Variants in RBFOX1 observed in about 807,000 individuals in gnomAD.
RBFOX1 encodes RNA binding fox-1 homolog 1.
Under a neutral mutation model 57.7 loss-of-function variants are expected in RBFOX1, and 8 were observed. The ratio of observed to expected loss-of-function variants is 0.14; its 90% CI spans 0.08 to 0.25. RBFOX1 has a LOEUF of 0.25. Among genes scored for constraint, RBFOX1 ranks in the 10% least tolerant of loss-of-function variants. The pLI, the probability that RBFOX1 is intolerant of heterozygous loss-of-function variation, is 1.00. For missense variants in RBFOX1, 611 were observed against 548.5 expected, an observed-to-expected ratio of 1.11 and a Z score of -1.14; for synonymous variants, 326 against 222.4, an observed-to-expected ratio of 1.47 and a Z score of -4.15.
intron 2 of RBFOX1, among the ~76,000 whole-genome samples, chr16:6,507,938 C>T (rs2096149065): frequency 6.6e-6 from 1 of 151,932 alleles, no homozygotes; most frequent in Non-Finnish European, 1.5e-5. Context: ...TCACTTTTCA[C>T]AATAGCAAAG....
intron 1 of RBFOX1, among the ~76,000 whole-genome samples, chr16:5,420,359 GT>G (rs2067279413): frequency 6.6e-6 from 1 of 150,560 alleles, no homozygotes; most frequent in African/African-American, 2.5e-5. Context: ...AACACCGAAG[GT>G]TTTTAATAAA....
At chr16:7,056,662 C>A (rs546364887) in intron 4 of RBFOX1, among the ~76,000 whole-genome samples, 2 of 152,250 alleles carry the variant, frequency 1.3e-5, no homozygotes, top group South Asian at 4.1e-4. Context: ...GTGGGAGATT[C>A]CAAAGCCCAC....
chr16:6,750,647 C>A (rs572795830), intron 3 of RBFOX1, among the ~76,000 whole-genome samples: 4 of 152,142 alleles, frequency 2.6e-5, no homozygotes, highest in Non-Finnish European at 5.9e-5. Context: ...AAAACACCTG[C>A]AATTATGCTG....
rs546578616 is a variant in RBFOX1 at position 6,206,224 on chromosome 16, A to G, written c.-126-110771A>G. Among the ~76,000 whole-genome samples the G allele has an allele frequency of 2.4e-4, 37 of 152,090 alleles. 1 individual carries two copies. The highest frequency in any genetic ancestry group is 1.3e-3 in the Admixed American group (20 of 15,258). On this transcript the variant is annotated intron_variant, in intron 1 of 15. Transcript: ENST00000550418. Reference sequence around the variant, plus strand: ...GCGTTCTTGGCTTCCTTTCAGTTCTATGGGCAAGCCAGGCTCTTTCCCGCT... The same window carrying G: ...GCGTTCTTGGCTTCCTTTCAGTTCTGTGGGCAAGCCAGGCTCTTTCCCGCT...
chr16:6,004,936 T>G (rs1344192290), intron 4 of RBFOX1, among the ~76,000 whole-genome samples: 1 of 152,196 alleles, frequency 6.6e-6, no homozygotes, highest in East Asian at 1.9e-4. Flanking sequence ...ACATGCACAG[T>G]CTTGTCTTAA....
intron 1 of RBFOX1, among the ~76,000 whole-genome samples, chr16:5,318,835 A>G (rs1252771224): frequency 6.6e-6 from 1 of 152,204 alleles, no homozygotes; most frequent in Admixed American, 6.5e-5. Flanking sequence ...TGAGCCCTTT[A>G]AAAGCAGAGA....
At chr16:5,452,482 C>A (rs969786648) in intron 1 of RBFOX1, among the ~76,000 whole-genome samples, 2 of 152,016 alleles carry the variant, frequency 1.3e-5, no homozygotes, top group African/African-American at 4.8e-5. Context: ...TTAAACATTT[C>A]TTGAGACTGC....
intron 3 of RBFOX1, among the ~76,000 whole-genome samples, chr16:5,828,294 A>G (rs888326793): frequency 6.6e-6 from 1 of 152,192 alleles, no homozygotes; most frequent in Non-Finnish European, 1.5e-5. Flanking sequence ...TAAACAATTT[A>G]TAATTACTGT....
At chr16:6,244,172 C>G (rs564017168) in intron 1 of RBFOX1, among the ~76,000 whole-genome samples, 1 of 152,114 alleles carries the variant, frequency 6.6e-6, no homozygotes, top group African/African-American at 2.4e-5. Context: ...AGTCTACCTT[C>G]TCAGTCACTG....
At chr16:7,339,534 A>G (rs1449010858) in intron 4 of RBFOX1, among the ~76,000 whole-genome samples, 2 of 152,110 alleles carry the variant, frequency 1.3e-5, no homozygotes, top group Non-Finnish European at 2.9e-5. Context: ...CCACCTGCCA[A>G]GTTCAAGTGA....
At chr16:6,588,831 A>G (rs1276416802) in intron 2 of RBFOX1, among the ~76,000 whole-genome samples, 1 of 152,114 alleles carries the variant, frequency 6.6e-6, no homozygotes, top group Admixed American at 6.6e-5. Flanking sequence ...TCCCCAGGCC[A>G]TGCTGTCTCA....
chr16:5,707,345 CAGTT>C lies in RBFOX1; in HGVS notation c.318+108385_318+108388del, dbSNP rs1255173356. On this transcript the variant is annotated intron_variant, in intron 3 of 19. Transcript: ENST00000641259. ...TTCTGCTGTGTTTGATTTTGTAAGTCAGTTCTTTAAGAGCCTCAAGGAAAAGGGT... is the reference window on the plus strand; with the variant it reads ...TTCTGCTGTGTTTGATTTTGTAAGTCCTTTAAGAGCCTCAAGGAAAAGGGT... Among the ~76,000 whole-genome samples the C allele has an allele frequency of 3.3e-5, 5 of 152,254 alleles. No homozygotes were observed. In the East Asian group the frequency reaches 7.7e-4, roughly 24 times the overall value.
At chr16:6,858,301 G>C (rs1278060460) in intron 3 of RBFOX1, among the ~76,000 whole-genome samples, 5 of 152,308 alleles carry the variant, frequency 3.3e-5, no homozygotes, top group Admixed American at 2.0e-4. Flanking sequence ...TCTGTGTTGA[G>C]AGACTAGATT....
intron 1 of RBFOX1, among the ~76,000 whole-genome samples, chr16:6,232,199 G>C (rs2097467389): frequency 6.6e-6 from 1 of 152,172 alleles, no homozygotes; most frequent in Non-Finnish European, 1.5e-5. Context: ...CAGAGAAGTG[G>C]TTTGCTTCCT....
At chr16:5,677,867 G>T (rs1319790650) in intron 3 of RBFOX1, among the ~76,000 whole-genome samples, 1 of 152,102 alleles carries the variant, frequency 6.6e-6, no homozygotes, top group African/African-American at 2.4e-5. Flanking sequence ...GGTATGAGGG[G>T]TGCAAAGAGA....
chr16:7,628,320 C>G (rs1386341238), intron 10 of RBFOX1, among the ~76,000 whole-genome samples: 1 of 152,102 alleles, frequency 6.6e-6, no homozygotes, highest in Non-Finnish European at 1.5e-5. Flanking sequence ...TGATAACTCT[C>G]TGTATATCCT....
At chr16:6,410,372 C>T (rs1473401400) in intron 2 of RBFOX1, among the ~76,000 whole-genome samples, 3 of 135,412 alleles carry the variant, frequency 2.2e-5, no homozygotes, top group Non-Finnish European at 4.6e-5. Context: ...AGGGCAGTGG[C>T]GCGAACTTGA....
At chr16:7,709,587 TCCTCC>T (rs987059392) in intron 15 of RBFOX1, 18 of 1,530,334 alleles carry the variant, frequency 1.2e-5, no homozygotes, top group Non-Finnish European at 1.4e-5. Context: ...TGACTGCCTC[TCCTCC>T]CCTATTACAA....
chr16:6,536,713 C>T (rs780954064), intron 2 of RBFOX1, among the ~76,000 whole-genome samples: 2 of 151,800 alleles, frequency 1.3e-5, no homozygotes, highest in African/African-American at 2.4e-5. Context: ...TGTCTTAGAC[C>T]CAACAAGTCA....
Sources: allele counts gnomAD v4.1 joint callset (sites outside exome capture counted in the v4.1 genomes callset), GRCh38; gene constraint gnomAD v4.1.1; transcripts MANE v1.5; gene names NCBI Gene and HGNC (gene_info 2026-07-23, HGNC 2026-07-21).